Variants in RNF149 observed in about 807,000 individuals in gnomAD.
RNF149 encodes the protein ring finger protein 149, also known as E3 ubiquitin-protein ligase RNF149.
Under a neutral mutation model 39.0 loss-of-function variants are expected in RNF149, and 21 were observed. That is an observed-to-expected ratio of 0.54 (90% CI 0.38 to 0.77). RNF149 has a LOEUF of 0.77. Ranked by LOEUF, RNF149 falls within the 30% of genes least tolerant of loss-of-function variation. RNF149 has a pLI of 0.00. For missense variants in RNF149, 493 were observed against 534.9 expected (o/e 0.92, Z 0.77); for synonymous variants, 209 against 213.6 (o/e 0.98, Z 0.19).
At chr2:101,300,044 G>A (rs1303178969) in intron 1 of RNF149, among the ~76,000 whole-genome samples, 2 of 152,216 alleles carry the variant, frequency 1.3e-5, no homozygotes, top group African/African-American at 4.8e-5. Context: ...ATGGGAATGA[G>A]AATGACTCTA....
chr2:101,277,294 A>G lies in RNF149; in HGVS notation c.1160-13T>C. 6.2e-7 allele frequency: 1 copy of G among 1,609,786 alleles called. No homozygotes were observed. The highest frequency in any genetic ancestry group is 8.5e-7 in the Non-Finnish European group (1 of 1,177,930). ...CTCCTGCCGGCTTCTGCAAGAGAGC[A>G]ACATAAGCTACTCCATCAGAAGAGG... On this transcript the variant is annotated splice_polypyrimidine_tract_variant and intron_variant, in intron 6 of 6. Transcript: ENST00000295317.
intron 3 of RNF149, among the ~76,000 whole-genome samples, chr2:101,292,972 CT>C (rs34103366): frequency 0.36 from 47,588 of 130,532 alleles, 8,644 homozygotes; most frequent in East Asian, 0.54. Context: ...GAGATGTGAT[CT>C]TTTTTTTTTT....
intron 1 of RNF149, among the ~76,000 whole-genome samples, chr2:101,305,696 G>A (rs927706926): frequency 6.6e-6 from 1 of 152,154 alleles, no homozygotes; most frequent in Non-Finnish European, 1.5e-5. Flanking sequence ...CATACATGGG[G>A]TGAGGGGGGT....
chr2:101,279,419 AGG>A (rs1682487882), intron 6 of RNF149, among the ~76,000 whole-genome samples: 1 of 152,222 alleles, frequency 6.6e-6, no homozygotes, highest in Admixed American at 6.5e-5. Context: ...AAAAATCTGG[AGG>A]CTGCTCTTGA....
At chr2:101,295,660 C>CAAA (rs780184197) in intron 1 of RNF149, among the ~76,000 whole-genome samples, 1 of 84,214 alleles carries the variant, frequency 1.2e-5, no homozygotes, top group Non-Finnish European at 2.4e-5. Flanking sequence ...GACCCCATCT[C>CAAA]AAAAAAAAAA....
At chr2:101,273,049 T>C (rs775039443), downstream of RNF149, 2 of 1,355,552 alleles carry the variant, frequency 1.5e-6, no homozygotes, top group Admixed American at 1.9e-5. Flanking sequence ...CATTCCTCAG[T>C]AGCTGGAGGG....
Position 101,308,376 on chromosome 2 carries a change from C to T in RNF149, c.213G>A (p.Glu71=), listed in dbSNP as rs748206214. The T allele has an allele frequency of 1.6e-5, 25 of 1,609,266 alleles. No individual in the cohort carries two copies. Residue 71 remains glutamate, a synonymous_variant, in exon 1 of 7, where the codon GAG becomes GAA. Coordinates refer to ENST00000295317, the MANE Select transcript of RNF149 (RefSeq NM_173647.4). The part of the protein sequence containing the change: ...SGRFGDSSPK[E]GAHGLVGVPW... ...GGACGCCCACCAGGCCATGCGCGCC[C>T]TCCTTGGGCGAGCTGTCGCCGAAGC...
intron 1 of RNF149, among the ~76,000 whole-genome samples, chr2:101,305,066 C>A (rs1445660512): frequency 1.3e-5 from 2 of 152,104 alleles, no homozygotes; most frequent in African/African-American, 4.8e-5. Flanking sequence ...GTCTCAATTT[C>A]TTGACCTCAT....
chr2:101,297,248 A>G (rs892009771), intron 1 of RNF149, among the ~76,000 whole-genome samples: 2 of 150,634 alleles, frequency 1.3e-5, no homozygotes, highest in African/African-American at 5.0e-5. Context: ...AACTTGGAAA[A>G]AATAGATGTA....
Position 101,277,238 on chromosome 2 carries a change from C to T in RNF149, c.1203G>A (p.Ter401=). 6.2e-7 allele frequency: 1 copy of T among 1,613,572 alleles called. No individual in the cohort carries two copies. The highest frequency in any genetic ancestry group is 8.5e-7 in the Non-Finnish European group (1 of 1,179,732). The change falls in exon 7 of 7, where the codon TAG becomes TAA. Residue 401 remains the stop codon, a stop_retained_variant. Coordinates refer to ENST00000295317, the MANE Select transcript of RNF149 (RefSeq NM_173647.4). ...GGTGCCACTTCAGTGGGCACGTGTGCTAGGAGATGGGTCCTCCATGCCGAG... is the reference window on the plus strand; with the variant it reads ...GGTGCCACTTCAGTGGGCACGTGTGTTAGGAGATGGGTCCTCCATGCCGAG... ...SDSRHGGPIS[*]
intron 4 of RNF149, among the ~76,000 whole-genome samples, chr2:101,286,788 G>A (rs921404514): frequency 6.6e-6 from 1 of 152,214 alleles, no homozygotes; most frequent in Non-Finnish European, 1.5e-5. Context: ...AAGAAAAGGA[G>A]TTACCAGTAT....
At chr2:101,302,477 G>C (rs1437453785) in intron 1 of RNF149, among the ~76,000 whole-genome samples, 3 of 152,058 alleles carry the variant, frequency 2.0e-5, no homozygotes, top group Admixed American at 6.6e-5. Flanking sequence ...TTATGTTTTG[G>C]ACAATTTGTC....
At position 101,299,161 on chromosome 2, in the gene RNF149, C is replaced by T. The variant is rs140337158; in HGVS notation, c.461-3980G>A. On this transcript the variant is annotated intron_variant, in intron 1 of 6. Transcript: ENST00000295317. ...ACAGGGCGAGACTCTGTCTCAAAAC[C>T]AAACAAAAAATAATGTGAAAGGGTA... Among the ~76,000 whole-genome samples, 953 of 152,186 alleles carry T rather than the reference C, an allele frequency of 6.3e-3. 4 individuals carry two copies. Among genetic ancestry groups the T allele is most frequent in the African/African-American group, 0.022 (910 of 41,530 alleles).
Position 101,295,177 on chromosome 2 carries a change from TG to T in RNF149, c.464del (p.Thr155LysfsTer4). 6.2e-7 allele frequency: 1 copy of T among 1,612,542 alleles called. No homozygotes were observed. Among genetic ancestry groups the T allele is most frequent in the Non-Finnish European group, 8.5e-7 (1 of 1,178,750 alleles). The part of the protein sequence containing the change: ...NITLPMSHAG[T>X]GNIVVIMISY... Reference sequence around the variant, plus strand: ...TAATCATAATGACCACTATATTTCCTGTTCCTGTAGGAAAGAACAAAGAAAT... The same window carrying T: ...TAATCATAATGACCACTATATTTCCTTTCCTGTAGGAAAGAACAAAGAAAT... On this transcript the variant is annotated frameshift_variant, in exon 2 of 7. Transcript: ENST00000295317. LOFTEE classifies it high-confidence loss of function.
chr2:101,292,658 C>T lies in RNF149; in HGVS notation c.780+1356G>A, dbSNP rs186342217. Among the ~76,000 whole-genome samples the T allele has an allele frequency of 6.3e-3, 963 of 152,156 alleles. 4 individuals carry two copies. Among genetic ancestry groups the T allele is most frequent in the African/African-American group, 0.022 (909 of 41,522 alleles). ...GCAGGCGCCTGTAGTTCCAGCTACT[C>T]GGGAGACTGAGGCAGGAGAATGGCG... On this transcript the variant is annotated intron_variant, in intron 3 of 6. Coordinates refer to ENST00000295317, the MANE Select transcript of RNF149 (RefSeq NM_173647.4).
chr2:101,275,749 A>G lies in RNF149; in HGVS notation c.*1489T>C. The G allele has an allele frequency of 2.0e-6, 2 of 975,876 alleles. No homozygotes were observed. Among genetic ancestry groups the G allele is most frequent in the East Asian group, 1.1e-4 (1 of 8,746 alleles). 60.5% of individuals were successfully genotyped at this position (975,876 alleles called of 1,614,324 possible). A position where few individuals can be genotyped will look rare whatever the true frequency, so the allele number is the denominator to read the frequency against. On this transcript the variant is annotated 3_prime_UTR_variant, in exon 7 of 7. Coordinates refer to ENST00000295317, the MANE Select transcript of RNF149 (RefSeq NM_173647.4). Reference sequence around the variant, plus strand: ...AGCCACCGCGCCCGGCCCTCCTAGTATTTCTTAAAGACAAAGAGCAAACAA... The same window carrying G: ...AGCCACCGCGCCCGGCCCTCCTAGTGTTTCTTAAAGACAAAGAGCAAACAA...
rs779852749 is a variant in RNF149, at chr2:101,308,603, G to A, written c.-15C>T. On this transcript the variant is annotated 5_prime_UTR_variant, in exon 1 of 7. Coordinates refer to ENST00000295317, the MANE Select transcript of RNF149 (RefSeq NM_173647.4). ...CGCCACGCCATGGCAGCACCGCTGA[G>A]CTGACTAGGGGGAGTCAGGGTCACG... 3 of 1,525,196 alleles carry A rather than the reference G, an allele frequency of 2.0e-6. No individual in the cohort carries two copies. Among genetic ancestry groups the A allele is most frequent in the Non-Finnish European group, 2.6e-6 (3 of 1,145,110 alleles). 94.5% of individuals were successfully genotyped at this position (1,525,196 alleles called of 1,614,324 possible). A position where few individuals can be genotyped will look rare whatever the true frequency, so the allele number is the denominator to read the frequency against.
chr2:101,300,398 C>T (rs1683406497), intron 1 of RNF149, among the ~76,000 whole-genome samples: 1 of 152,208 alleles, frequency 6.6e-6, no homozygotes, highest in Admixed American at 6.5e-5. Context: ...GGAAGTGATA[C>T]TGCCGCAACA....
rs1186586606 is a variant in RNF149 at position 101,289,006 on chromosome 2, T to G, written c.830A>C (p.Lys277Thr). 2.5e-6 allele frequency: 4 copies of G among 1,590,860 alleles called. No individual in the cohort carries two copies. The highest frequency in any genetic ancestry group is 3.4e-6 in the Non-Finnish European group (4 of 1,160,552). Residue 277 changes from lysine to threonine, a missense_variant, in exon 4 of 7, where the codon AAA becomes ACA. By Grantham distance (78) the Lys-to-Thr change is moderately conservative. Transcript: ENST00000295317. ...CAGAATTCTAATAATATCCTTTACTTTGAAATTTTCAATACACACTGCACA... is the reference window on the plus strand; with the variant it reads ...CAGAATTCTAATAATATCCTTTACTGTGAAATTTTCAATACACACTGCACA... ...ENCAVCIENF[K>T]VKDIIRILPC...
Sources: allele counts gnomAD v4.1 joint callset (sites outside exome capture counted in the v4.1 genomes callset), GRCh38; gene constraint gnomAD v4.1.1; transcripts MANE v1.5; gene names NCBI Gene and HGNC (gene_info 2026-07-23, HGNC 2026-07-21).